GABRR2: variants seen among roughly 807,000 people sequenced by gnomAD.
GABRR2 encodes the protein gamma-aminobutyric acid receptor subunit rho-2.
In GABRR2, 36 loss-of-function variants were observed where a neutral mutation model predicts 47.0. That is an observed-to-expected ratio of 0.77 (90% confidence interval 0.59 to 1.01). The LOEUF is 1.01. GABRR2 is among the 50% of genes least tolerant of loss of function. The probability of loss-of-function intolerance (pLI) is 0.00; values close to 1 mark genes in which losing one functional copy is unlikely to be tolerated. For synonymous variants in GABRR2, 204 were observed against 227.5 expected (o/e 0.90, Z 0.93); for missense variants, 587 against 594.6 (o/e 0.99, Z 0.13).
In GABRR2 at chr6:89,292,761, ACGATAT is replaced by A. The variant is rs1562379544; in HGVS notation, c.220+6992_220+6997del. ...ATATATAATCGTATATATCGTATAT[ACGATAT>A]ATCGTATATATCGTATATACGATAT... On this transcript the variant is annotated intron_variant, in intron 2 of 8. Transcript: ENST00000402938. Among the ~76,000 whole-genome samples, 80 of 53,078 alleles carry A rather than the reference ACGATAT, an allele frequency of 1.5e-3. 1 individual carries two copies. Among genetic ancestry groups the A allele is most frequent in the East Asian group, 6.9e-3 (11 of 1,586 alleles). 34.8% of individuals were successfully genotyped at this position (53,078 alleles called of 152,430 possible). A position where few individuals can be genotyped will look rare whatever the true frequency, so the allele number is the denominator to read the frequency against.
At chr6:89,279,146 C>T (rs1461092925) in intron 2 of GABRR2, among the ~76,000 whole-genome samples, 1 of 152,220 alleles carries the variant, frequency 6.6e-6, no homozygotes, top group Admixed American at 6.5e-5. Context: ...GTCTCTCTGT[C>T]CCTCAGATCC....
At chr6:89,282,326 TG>T (rs1314417032) in intron 2 of GABRR2, among the ~76,000 whole-genome samples, 1 of 152,180 alleles carries the variant, frequency 6.6e-6, no homozygotes, top group Non-Finnish European at 1.5e-5. Context: ...CCCCAGGGGT[TG>T]GGCTTGCCAT....
Position 89,299,763 on chromosome 6 carries a change from G to A in GABRR2, c.216C>T (p.Phe72=), listed in dbSNP as rs777240462. 62 of 1,612,218 alleles carry A rather than the reference G, an allele frequency of 3.8e-5. No individual in the cohort carries two copies. Among genetic ancestry groups the A allele is most frequent in the African/African-American group, 1.3e-4 (10 of 74,998 alleles). The change falls in exon 2 of 9, where the codon TTC becomes TTT. Residue 72 remains phenylalanine, a synonymous_variant. Coordinates refer to ENST00000402938, the MANE Select transcript of GABRR2 (RefSeq NM_002043.5). ...DEHDFSMRPA[F]GGPAIPVGVD... ...ATCAAGGAAGAACAGTCCTACCTCC[G>A]AAGGCGGGTCTCATGCTGAAGTCGT...
At chr6:89,272,443 T>G (rs1434958045) in intron 2 of GABRR2, among the ~76,000 whole-genome samples, 1 of 152,274 alleles carries the variant, frequency 6.6e-6, no homozygotes, top group African/African-American at 2.4e-5. Flanking sequence ...CGTAGATAAG[T>G]TCACTTTAGG....
At chr6:89,260,534 G>A (rs905588220) in intron 8 of GABRR2, among the ~76,000 whole-genome samples, 9 of 152,200 alleles carry the variant, frequency 5.9e-5, no homozygotes, top group Admixed American at 2.0e-4. Context: ...GGGCTCCCAC[G>A]TGTTCCCGCA....
At chr6:89,308,441 A>G (rs1217323668) in intron 1 of GABRR2, among the ~76,000 whole-genome samples, 1 of 152,222 alleles carries the variant, frequency 6.6e-6, no homozygotes, top group East Asian at 1.9e-4. Context: ...CAGTGCAGCT[A>G]TATAATCTTT....
intron 8 of GABRR2, among the ~76,000 whole-genome samples, chr6:89,261,987 C>A (rs1298053774): frequency 4.0e-5 from 6 of 151,110 alleles, no homozygotes; most frequent in African/African-American, 1.5e-4. Flanking sequence ...CAGTTAGCAA[C>A]CACTGCATTC....
chr6:89,301,706 A>C, intron 1 of GABRR2: 1 of 616,038 alleles, frequency 1.6e-6, no homozygotes, highest in Non-Finnish European at 3.0e-6. Context: ...CAAAAACACC[A>C]CTCAAAGAAA....
At chr6:89,313,130 T>C (rs766733870) in intron 1 of GABRR2, among the ~76,000 whole-genome samples, 2 of 152,196 alleles carry the variant, frequency 1.3e-5, no homozygotes, top group Non-Finnish European at 2.9e-5. Context: ...ATTCTAGTGT[T>C]GGGAAGCCAC....
rs1306883997 is a variant in GABRR2, at chr6:89,255,495, A to G, written c.*2175T>C. On this transcript the variant is annotated 3_prime_UTR_variant, in exon 9 of 9. Transcript: ENST00000402938. ...GATGCCCTGTACCACCCAATTACCC[A>G]TATTTATGCATTTTTGTTCTTCATT... Among the ~76,000 whole-genome samples the G allele has an allele frequency of 6.6e-6, 1 of 152,078 alleles. No homozygotes were observed. Among genetic ancestry groups the G allele is most frequent in the African/African-American group, 2.4e-5 (1 of 41,404 alleles).
At chr6:89,307,497 C>T (rs1767588967) in intron 1 of GABRR2, among the ~76,000 whole-genome samples, 1 of 152,198 alleles carries the variant, frequency 6.6e-6, no homozygotes, top group South Asian at 2.1e-4. Context: ...GAGGTCTCAG[C>T]ACTGGAAATT....
chr6:89,283,635 T>G lies in GABRR2; in HGVS notation c.221-11913A>C, dbSNP rs548087491. ...GGAGGATATATATGCATATTTCATA[T>G]GCATAAAATAGCTTTGGAAGGACAT... On this transcript the variant is annotated intron_variant, in intron 2 of 8. Coordinates refer to ENST00000402938, the MANE Select transcript of GABRR2 (RefSeq NM_002043.5). Among the ~76,000 whole-genome samples, 6 of 152,278 alleles carry G rather than the reference T, an allele frequency of 3.9e-5. No individual in the cohort carries two copies. In the South Asian group the frequency reaches 1.2e-3, roughly 32 times the overall value.
chr6:89,283,518 T>C (rs927319830), intron 2 of GABRR2, among the ~76,000 whole-genome samples: 1 of 152,068 alleles, frequency 6.6e-6, no homozygotes, highest in African/African-American at 2.4e-5. Flanking sequence ...AAAAAACCAA[T>C]GTACAGAAGA....
At chr6:89,306,382 G>C (rs935045658) in intron 1 of GABRR2, among the ~76,000 whole-genome samples, 1 of 152,070 alleles carries the variant, frequency 6.6e-6, no homozygotes, top group African/African-American at 2.4e-5. Flanking sequence ...AAATTCTCGT[G>C]ATGTTATAAG....
chr6:89,267,320 C>A (rs1383584227), intron 6 of GABRR2, among the ~76,000 whole-genome samples: 1 of 152,058 alleles, frequency 6.6e-6, no homozygotes, highest in African/African-American at 2.4e-5. Flanking sequence ...AGTCCCAGCA[C>A]TTTGGGAGGC....
At chr6:89,276,353 T>C (rs1367525563) in intron 2 of GABRR2, among the ~76,000 whole-genome samples, 2 of 151,910 alleles carry the variant, frequency 1.3e-5, no homozygotes, top group East Asian at 1.9e-4. Flanking sequence ...AGTTTCTGCA[T>C]AAAACTGGAA....
chr6:89,285,253 G>A lies in GABRR2; in HGVS notation c.221-13531C>T, dbSNP rs1178847824. 2.0e-5 allele frequency among the ~76,000 whole-genome samples: 3 copies of A among 152,234 alleles called. No individual in the cohort carries two copies. The East Asian group carries it at 5.8e-4, about 29-fold the overall frequency. On this transcript the variant is annotated intron_variant, in intron 2 of 8. Transcript: ENST00000402938. ...AGCTACCCTGGCATTGCTGGCGCAA[G>A]GGAATTGTTGTTACTGGGGGTTATA...
chr6:89,256,491 A>T lies in GABRR2; in HGVS notation c.*1179T>A, dbSNP rs1308477286. ...TTAACATTAACAATAGGGAATTGAC[A>T]AGAGTTGCTGTGTAGTAAAGGACTA... On this transcript the variant is annotated 3_prime_UTR_variant, in exon 9 of 9. Coordinates refer to ENST00000402938, the MANE Select transcript of GABRR2 (RefSeq NM_002043.5). Among the ~76,000 whole-genome samples, 1 of 152,166 alleles carries T rather than the reference A, an allele frequency of 6.6e-6. No individual in the cohort carries two copies. Among genetic ancestry groups the T allele is most frequent in the African/African-American group, 2.4e-5 (1 of 41,438 alleles).
chr6:89,304,582 C>T (rs145756972), intron 1 of GABRR2, among the ~76,000 whole-genome samples: 3,182 of 137,916 alleles, frequency 0.023, 53 homozygotes, highest in Non-Finnish European at 0.032. Context: ...GAGTGAGACT[C>T]CATCTCAAAA....
Sources: allele counts gnomAD v4.1 joint callset (sites outside exome capture counted in the v4.1 genomes callset), GRCh38; gene constraint gnomAD v4.1.1; transcripts MANE v1.5; gene names NCBI Gene and HGNC (gene_info 2026-07-23, HGNC 2026-07-21).